Variants in MARCHF5 observed in about 807,000 individuals in gnomAD.
MARCHF5 encodes the protein membrane associated ring-CH-type finger 5, also known as E3 ubiquitin-protein ligase MARCHF5.
A neutral mutation model predicts 36.5 loss-of-function variants in MARCHF5; 5 were observed. The observed-to-expected ratio is 0.14, with a 90% CI of 0.07 to 0.29. MARCHF5 has a LOEUF of 0.29. Ranked by LOEUF, MARCHF5 falls within the 10% of genes least tolerant of loss-of-function variation. The pLI is 1.00. For missense variants in MARCHF5, 179 were observed against 336.3 expected (o/e 0.53, Z 3.66); for synonymous variants, 103 against 109.9 (o/e 0.94, Z 0.39).
rs565982895 is a variant in MARCHF5, at chr10:92,340,232, T to C, written c.239-441T>C. On this transcript the variant is annotated intron_variant, in intron 2 of 5. Coordinates refer to ENST00000358935, the MANE Select transcript of MARCHF5 (RefSeq NM_017824.5). Reference sequence around the variant, plus strand: ...CTATTTCCTTTATAAGAAGTAACTATATTTGAGACTCTAATTTTAGGTTCA... The same window carrying C: ...CTATTTCCTTTATAAGAAGTAACTACATTTGAGACTCTAATTTTAGGTTCA... Among the ~76,000 whole-genome samples the C allele has an allele frequency of 2.1e-4, 32 of 152,334 alleles. 1 individual carries two copies. Among genetic ancestry groups the C allele is most frequent in the African/African-American group, 7.5e-4 (31 of 41,568 alleles).
At chr10:92,322,535 G>C (rs892020725) in intron 2 of MARCHF5, among the ~76,000 whole-genome samples, 1 of 148,954 alleles carries the variant, frequency 6.7e-6, no homozygotes, top group African/African-American at 2.5e-5. Flanking sequence ...GACTTCCTGG[G>C]CTCAAGTGAT....
intron 4 of MARCHF5, 48 bp from the exon 5 acceptor site, chr10:92,349,623 A>G (rs1296085070): frequency 6.2e-7 from 1 of 1,601,598 alleles, no homozygotes; most frequent in South Asian, 1.1e-5. Context: ...AAGGTAGTCT[A>G]ACTCTTCTGA....
At chr10:92,348,399 GA>G (rs1311118705) in intron 3 of MARCHF5, among the ~76,000 whole-genome samples, 1 of 151,722 alleles carries the variant, frequency 6.6e-6, no homozygotes, top group Non-Finnish European at 1.5e-5. Flanking sequence ...TAAGGCAGAA[GA>G]ATCGCTTGAA....
At chr10:92,291,658 A>G in intron 1 of MARCHF5, 129 bp downstream of exon 1, 1 of 1,359,662 alleles carries the variant, frequency 7.4e-7, no homozygotes, top group Non-Finnish European at 9.6e-7. Flanking sequence ...GGGGGCCGTG[A>G]GAGGGGCAAA....
chr10:92,309,060 C>G (rs1221802918), intron 1 of MARCHF5, among the ~76,000 whole-genome samples: 2 of 152,000 alleles, frequency 1.3e-5, no homozygotes, highest in East Asian at 1.9e-4. Context: ...GTATTTAGGA[C>G]TGAAATATAC....
Position 92,351,938 on chromosome 10 carries a change from G to GTGTGTGTGTGTGTA in MARCHF5, c.*732_*733insGTGTGTGTGTGTAT, listed in dbSNP as rs1843720163. 1 of 144,644 alleles carries GTGTGTGTGTGTGTA rather than the reference G, an allele frequency of 6.9e-6. No homozygotes were observed. Among genetic ancestry groups the GTGTGTGTGTGTGTA allele is most frequent in the Admixed American group, 6.9e-5 (1 of 14,480 alleles). The allele number at this position is 144,644 out of a possible 1,614,324, so 9.0% of individuals were successfully genotyped here. A position where few individuals can be genotyped will look rare whatever the true frequency, so the allele number is the denominator to read the frequency against. ...TGTGTGTGTGTGTGTGTGTGTGTGT[G>GTGTGTGTGTGTGTA]TATTTGTGTGTTTCAGTGTTTCATC... On this transcript the variant is annotated 3_prime_UTR_variant, in exon 6 of 6. Coordinates refer to ENST00000358935, the MANE Select transcript of MARCHF5 (RefSeq NM_017824.5).
chr10:92,351,313 C>T lies in MARCHF5; in HGVS notation c.*106C>T. ...TGGAGACTTGTGATAAGCTGCTGCTCCTATATTTTTTAAGAAATATAATAA... is the reference window on the plus strand; with the variant it reads ...TGGAGACTTGTGATAAGCTGCTGCTTCTATATTTTTTAAGAAATATAATAA... On this transcript the variant is annotated 3_prime_UTR_variant, in exon 6 of 6. Coordinates refer to ENST00000358935, the MANE Select transcript of MARCHF5 (RefSeq NM_017824.5). The T allele has an allele frequency of 3.0e-6, 2 of 670,024 alleles. No individual in the cohort carries two copies. Among genetic ancestry groups the T allele is most frequent in the South Asian group, 2.1e-5 (1 of 47,516 alleles). 41.5% of individuals were successfully genotyped at this position (670,024 alleles called of 1,614,324 possible).
At chr10:92,307,560 TA>T (rs79584473) in intron 1 of MARCHF5, among the ~76,000 whole-genome samples, 11 of 151,868 alleles carry the variant, frequency 7.2e-5, no homozygotes, top group Non-Finnish European at 5.9e-5. Flanking sequence ...ATCCTGTCTC[TA>T]AAAAAAAAAT....
chr10:92,299,848 A>C (rs1842991472), intron 1 of MARCHF5, among the ~76,000 whole-genome samples: 1 of 152,012 alleles, frequency 6.6e-6, no homozygotes, highest in Non-Finnish European at 1.5e-5. Context: ...CCATTTTTTT[A>C]AATTGCCTCA....
intron 3 of MARCHF5, among the ~76,000 whole-genome samples, chr10:92,341,521 T>G (rs1037938912): frequency 6.6e-6 from 1 of 152,128 alleles, no homozygotes. Flanking sequence ...GACATAAATT[T>G]CAAAATTTAG....
chr10:92,295,878 A>AT (rs879371620), intron 1 of MARCHF5, among the ~76,000 whole-genome samples: 417 of 144,352 alleles, frequency 2.9e-3, no homozygotes, highest in Admixed American at 4.6e-3. Context: ...TATATATGGA[A>AT]TTTTTTTTTT....
At chr10:92,347,512 A>AGGT (rs1272545316) in intron 3 of MARCHF5, among the ~76,000 whole-genome samples, 2 of 42,208 alleles carry the variant, frequency 4.7e-5, no homozygotes, top group Non-Finnish European at 1.0e-4. Context: ...ATAGATAGAT[A>AGGT]GATAGATAGA....
At chr10:92,312,150 C>A (rs1843152225) in intron 2 of MARCHF5, among the ~76,000 whole-genome samples, 1 of 152,000 alleles carries the variant, frequency 6.6e-6, no homozygotes, top group South Asian at 2.1e-4. Flanking sequence ...TCTTTGGGGG[C>A]AGAGGGAATT....
chr10:92,329,841 G>C (rs964907684), intron 2 of MARCHF5, among the ~76,000 whole-genome samples: 26 of 152,130 alleles, frequency 1.7e-4, no homozygotes, highest in African/African-American at 5.6e-4. Flanking sequence ...TTTATAGTTA[G>C]AGAACTCATT....
At chr10:92,305,474 G>A (rs754783774) in intron 1 of MARCHF5, among the ~76,000 whole-genome samples, 1 of 152,136 alleles carries the variant, frequency 6.6e-6, no homozygotes, top group Non-Finnish European at 1.5e-5. Context: ...TAGAGCAGAA[G>A]TTTTCAAACT....
chr10:92,327,196 T>C (rs999264481), intron 2 of MARCHF5, among the ~76,000 whole-genome samples: 1 of 152,058 alleles, frequency 6.6e-6, no homozygotes, highest in African/African-American at 2.4e-5. Context: ...TCTGATGTTC[T>C]GGTCTCTCCT....
chr10:92,325,958 C>T (rs1843352897), intron 2 of MARCHF5, among the ~76,000 whole-genome samples: 2 of 152,214 alleles, frequency 1.3e-5, no homozygotes, highest in Admixed American at 6.5e-5. Flanking sequence ...GGATTACAGG[C>T]ATGAGCCACC....
rs1282856231 is a variant in MARCHF5, at chr10:92,317,437, T to G, written c.238+6100T>G. Among the ~76,000 whole-genome samples, 3 of 152,166 alleles carry G rather than the reference T, an allele frequency of 2.0e-5. 1 individual carries two copies. The highest frequency in any genetic ancestry group is 4.4e-5 in the Non-Finnish European group (3 of 68,030). On this transcript the variant is annotated intron_variant, in intron 2 of 5. Coordinates refer to ENST00000358935, the MANE Select transcript of MARCHF5 (RefSeq NM_017824.5). ...TTTAACTTCTCTCAACATTGTTTTA[T>G]AGTTTTTAGATTTTTTTTTTAGTTT...
At chr10:92,315,308 G>A (rs574354335) in intron 2 of MARCHF5, among the ~76,000 whole-genome samples, 12 of 152,294 alleles carry the variant, frequency 7.9e-5, no homozygotes, top group Admixed American at 7.8e-4. Flanking sequence ...TATAACACAC[G>A]TAGCACGTAA....
Sources: gnomAD v4.1 joint callset for allele counts (sites outside exome capture counted in the v4.1 genomes callset) on GRCh38, gnomAD v4.1.1 for gene constraint, MANE v1.5 for transcripts, NCBI Gene and HGNC (gene_info 2026-07-23, HGNC 2026-07-21) for gene names.